Variants in DNAAF11 observed in about 807,000 individuals in gnomAD.
DNAAF11 encodes the protein dynein axonemal assembly factor 11, also known as leucine rich repeat containing 6.
In DNAAF11, 45 loss-of-function variants were observed where a neutral mutation model predicts 60.8. The observed-to-expected ratio is 0.74, with a 90% CI of 0.58 to 0.95. The LOEUF is 0.95. DNAAF11 is among the 40% of genes least tolerant of loss of function. The probability of loss-of-function intolerance (pLI) is 0.00; values close to 1 mark genes in which losing one functional copy is unlikely to be tolerated. For synonymous variants in DNAAF11, 191 were observed against 183.5 expected (o/e 1.04, Z -0.33); for missense variants, 546 against 546.2 (o/e 1.00, Z 0.00).
At chr8:132,630,007 T>C (rs893420831) in intron 5 of DNAAF11, among the ~76,000 whole-genome samples, 1 of 152,208 alleles carries the variant, frequency 6.6e-6, no homozygotes, top group African/African-American at 2.4e-5. Context: ...TCTAAATAAA[T>C]AGAGCTCTTC....
chr8:132,699,629 C>T, the DNAAF11 span, among the ~76,000 whole-genome samples: 2,213 of 151,342 alleles, frequency 0.015, 25 homozygotes, highest in Middle Eastern at 0.054. Flanking sequence ...CTCACTCACT[C>T]ACTCTTTTTT....
intron 3 of DNAAF11, among the ~76,000 whole-genome samples, chr8:132,646,226 C>G (rs1484059474): frequency 6.6e-6 from 1 of 152,102 alleles, no homozygotes; most frequent in Non-Finnish European, 1.5e-5. Flanking sequence ...ATTTCATATC[C>G]AGCCAAACTA....
At chr8:132,650,735 T>G (rs1197697330) in intron 3 of DNAAF11, among the ~76,000 whole-genome samples, 1 of 152,156 alleles carries the variant, frequency 6.6e-6, no homozygotes, top group East Asian at 1.9e-4. Context: ...TAATCTGACT[T>G]AAGATAGGTT....
chr8:132,628,325 T>A (rs1038912244), intron 5 of DNAAF11, among the ~76,000 whole-genome samples: 15 of 151,872 alleles, frequency 9.9e-5, no homozygotes, highest in Non-Finnish European at 2.2e-4. Flanking sequence ...GGCAAAAGAA[T>A]CGCTTGAACC....
the DNAAF11 span, among the ~76,000 whole-genome samples, chr8:132,694,926 G>A: frequency 2.6e-5 from 4 of 152,164 alleles, no homozygotes; most frequent in Admixed American, 6.6e-5. Context: ...CTGAAAACAT[G>A]TGGAAGAATT....
At chr8:132,572,743 G>A (rs556895802) in intron 11 of DNAAF11, among the ~76,000 whole-genome samples, 32 of 151,362 alleles carry the variant, frequency 2.1e-4, no homozygotes, top group African/African-American at 6.3e-4. Flanking sequence ...TGGAGGAGAC[G>A]TCACCTGTGA....
In DNAAF11 at chr8:132,657,844, A is replaced by G. The variant is rs554399632; in HGVS notation, c.179-937T>C. 9.8e-5 allele frequency among the ~76,000 whole-genome samples: 15 copies of G among 152,324 alleles called. 1 individual carries two copies. In the South Asian group the frequency reaches 2.1e-3, roughly 21 times the overall value. ...TCTCCTTTTTACAAATCAGAATACC[A>G]AGGTACAGAGAATTAATTCACTTGT... On this transcript the variant is annotated intron_variant, in intron 2 of 11. Coordinates refer to ENST00000620350, the MANE Select transcript of DNAAF11 (RefSeq NM_012472.6).
At chr8:132,649,498 A>G (rs1287564278) in intron 3 of DNAAF11, among the ~76,000 whole-genome samples, 1 of 152,242 alleles carries the variant, frequency 6.6e-6, no homozygotes, top group Non-Finnish European at 1.5e-5. Flanking sequence ...AATGGCAACA[A>G]AAGCCAAAAT....
At chr8:132,680,545 G>T (rs1825848765), upstream of DNAAF11, among the ~76,000 whole-genome samples, 1 of 151,952 alleles carries the variant, frequency 6.6e-6, no homozygotes, top group African/African-American at 2.4e-5. Context: ...ATTGTGACTA[G>T]AATTCCACCA....
chr8:132,584,928 T>C (rs1478553487), intron 10 of DNAAF11, among the ~76,000 whole-genome samples: 2 of 152,144 alleles, frequency 1.3e-5, no homozygotes, highest in East Asian at 3.9e-4. Flanking sequence ...GGAAGGGCAT[T>C]GGGAGTCCCA....
the DNAAF11 span, among the ~76,000 whole-genome samples, chr8:132,694,659 T>C: frequency 6.6e-6 from 1 of 152,188 alleles, no homozygotes; most frequent in African/African-American, 2.4e-5. Context: ...GTGAAGACAG[T>C]AGAGGGACAG....
Position 132,643,638 on chromosome 8 carries a change from G to T in DNAAF11, c.257-5531C>A, listed in dbSNP as rs764872867. On this transcript the variant is annotated intron_variant, in intron 3 of 11. Transcript: ENST00000620350. ...AAATTGAGAACCTTGCAGATGGTGTGAGAGAACAAAATCTGCATCGTCCAC... is the reference window on the plus strand; with the variant it reads ...AAATTGAGAACCTTGCAGATGGTGTTAGAGAACAAAATCTGCATCGTCCAC... The T allele has an allele frequency of 5.3e-5, 24 of 456,250 alleles. 1 individual carries two copies. Among genetic ancestry groups the T allele is most frequent in the South Asian group, 3.7e-4 (24 of 64,568 alleles). 28.3% of individuals were successfully genotyped at this position (456,250 alleles called of 1,614,324 possible).
chr8:132,594,349 A>C (rs1421009095), intron 10 of DNAAF11, among the ~76,000 whole-genome samples: 1 of 152,236 alleles, frequency 6.6e-6, no homozygotes, highest in African/African-American at 2.4e-5. Context: ...CTGTGATCAA[A>C]TAAACCAAGT....
intron 3 of DNAAF11, 41 bp downstream of exon 3, chr8:132,656,789 A>AG: frequency 1.1e-6 from 1 of 935,574 alleles, no homozygotes; most frequent in Non-Finnish European, 1.7e-6. Flanking sequence ...TTAAAATCTC[A>AG]ATTTTAATTC....
chr8:132,573,800 A>G (rs1814459777), intron 11 of DNAAF11, among the ~76,000 whole-genome samples: 1 of 152,136 alleles, frequency 6.6e-6, no homozygotes, highest in South Asian at 2.1e-4. Context: ...AAGTCATTTT[A>G]GTTTTTGATC....
intron 7 of DNAAF11, among the ~76,000 whole-genome samples, chr8:132,619,008 T>C (rs1456859334): frequency 1.3e-5 from 2 of 152,140 alleles, no homozygotes; most frequent in Non-Finnish European, 2.9e-5. Flanking sequence ...CGTATGTTTA[T>C]TGCGGCACTA....
intron 1 of DNAAF11, 81 bp downstream of exon 1, chr8:132,675,403 G>GCGGGCGGCGAGGATCCCACGC: frequency 6.9e-7 from 1 of 1,456,378 alleles, no homozygotes; most frequent in East Asian, 2.6e-5. Flanking sequence ...CAGGGCGGGA[G>GCGGGCGGCGAGGATCCCACGC]CGGGCGGCGA....
At chr8:132,600,720 T>C (rs576306901) in intron 10 of DNAAF11, among the ~76,000 whole-genome samples, 2 of 152,330 alleles carry the variant, frequency 1.3e-5, no homozygotes, top group Non-Finnish European at 1.5e-5. Flanking sequence ...TGGCTAGCCA[T>C]ATGTAGAAAG....
At chr8:132,643,065 C>T (rs1467187227) in intron 3 of DNAAF11, among the ~76,000 whole-genome samples, 1 of 152,188 alleles carries the variant, frequency 6.6e-6, no homozygotes, top group African/African-American at 2.4e-5. Flanking sequence ...TAGGGCTCCG[C>T]TCCTATGAGG....
Sources: gnomAD v4.1 joint callset for allele counts (sites outside exome capture counted in the v4.1 genomes callset) on GRCh38, gnomAD v4.1.1 for gene constraint, MANE v1.5 for transcripts, NCBI Gene and HGNC (gene_info 2026-07-23, HGNC 2026-07-21) for gene names.